Variants in DYM observed in about 807,000 individuals in gnomAD.
The protein encoded by DYM is dymeclin, also known as dyggve-Melchior-Clausen syndrome protein.
Under a neutral mutation model 93.1 loss-of-function variants are expected in DYM, and 78 were observed. That is an observed-to-expected ratio of 0.84 (90% CI 0.70 to 1.01). The LOEUF (loss-of-function observed/expected upper bound fraction) is 1.01. Ranked by LOEUF, DYM falls within the 50% of genes least tolerant of loss-of-function variation. DYM has a pLI of 0.00. For missense variants in DYM, 789 were observed against 845.0 expected (o/e 0.93, Z 0.82); for synonymous variants, 321 against 319.7 (o/e 1.00, Z -0.04).
At chr18:49,167,889 C>T (rs1239943841) in intron 14 of DYM, among the ~76,000 whole-genome samples, 6 of 151,998 alleles carry the variant, frequency 3.9e-5, no homozygotes, top group Admixed American at 3.9e-4. Flanking sequence ...AGCCAAAACA[C>T]TAATCAAGAA....
rs780150894 is a variant in DYM at position 49,363,181 on chromosome 18, C to T, written c.474G>A (p.Leu158=). The T allele has an allele frequency of 1.9e-6, 3 of 1,613,846 alleles. No homozygotes were observed. Among genetic ancestry groups the T allele is most frequent in the Admixed American group, 3.3e-5 (2 of 60,018 alleles). ...LEELLCCLMQ[L]ITDIPLLDIT... ...CTTACAAGAGTGGAATATCAGTGAT[C>T]AACTGCATCAAACAGCACAGCAATT... The change falls in exon 6 of 18, where the codon TTG becomes TTA. Residue 158 remains leucine (L), a synonymous_variant. Transcript: ENST00000675505.
intron 1 of DYM, among the ~76,000 whole-genome samples, chr18:49,430,775 C>G (rs1041616219): frequency 6.6e-6 from 1 of 151,838 alleles, no homozygotes; most frequent in Non-Finnish European, 1.5e-5. Context: ...GTCCCAGCTA[C>G]TCAAGAGGCT....
chr18:49,436,167 C>T (rs1310714260), intron 1 of DYM, among the ~76,000 whole-genome samples: 1 of 152,120 alleles, frequency 6.6e-6, no homozygotes, highest in African/African-American at 2.4e-5. Flanking sequence ...TACATGCCAT[C>T]ACACCCTGCT....
intron 5 of DYM, among the ~76,000 whole-genome samples, chr18:49,376,702 A>G (rs1425240227): frequency 1.3e-5 from 2 of 152,250 alleles, no homozygotes; most frequent in Non-Finnish European, 2.9e-5. Context: ...GAAAGGCGAT[A>G]GACTCCTTGG....
At chr18:49,376,092 T>C (rs1237023760) in intron 5 of DYM, among the ~76,000 whole-genome samples, 1 of 152,166 alleles carries the variant, frequency 6.6e-6, no homozygotes, top group Non-Finnish European at 1.5e-5. Flanking sequence ...ACAGGGCCTA[T>C]TGTGGCACTT....
At chr18:49,411,730 T>C (rs1408668149) in intron 2 of DYM, among the ~76,000 whole-genome samples, 1 of 152,168 alleles carries the variant, frequency 6.6e-6, no homozygotes, top group Non-Finnish European at 1.5e-5. Flanking sequence ...CAGCTGAAAG[T>C]TCCGCCATAA....
chr18:49,438,602 G>A (rs2081059745), intron 1 of DYM, among the ~76,000 whole-genome samples: 1 of 152,166 alleles, frequency 6.6e-6, no homozygotes, highest in African/African-American at 2.4e-5. Flanking sequence ...GCAACTAACA[G>A]AAGCTTGGCT....
intron 13 of DYM, among the ~76,000 whole-genome samples, chr18:49,221,378 C>A (rs926470109): frequency 1.3e-5 from 2 of 151,980 alleles, no homozygotes; most frequent in Admixed American, 1.3e-4. Flanking sequence ...ACTAGAAATA[C>A]CATTTGACCC....
intron 1 of DYM, among the ~76,000 whole-genome samples, chr18:49,441,620 A>T (rs562293769): frequency 6.6e-6 from 1 of 151,858 alleles, no homozygotes; most frequent in Non-Finnish European, 1.5e-5. Flanking sequence ...AGAAAGATAT[A>T]AACCCACAAA....
chr18:49,354,954 T>C (rs1333636225), intron 6 of DYM, among the ~76,000 whole-genome samples: 1 of 151,882 alleles, frequency 6.6e-6, no homozygotes, highest in Admixed American at 6.6e-5. Flanking sequence ...CATTTCATCA[T>C]GCATTTGTCT....
At chr18:49,104,891 C>G (rs1175589824) in intron 16 of DYM, among the ~76,000 whole-genome samples, 1 of 152,174 alleles carries the variant, frequency 6.6e-6, no homozygotes, top group Non-Finnish European at 1.5e-5. Context: ...GTGTCTCCGC[C>G]AGGCTTTGGT....
chr18:49,420,601 A>T (rs1600115690), intron 2 of DYM, among the ~76,000 whole-genome samples: 1 of 152,292 alleles, frequency 6.6e-6, no homozygotes, highest in Non-Finnish European at 1.5e-5. Flanking sequence ...AGCAACACAG[A>T]AGACGGGTGA....
intron 1 of DYM, among the ~76,000 whole-genome samples, chr18:49,450,535 C>T (rs1353076804): frequency 6.6e-6 from 1 of 152,128 alleles, no homozygotes; most frequent in African/African-American, 2.4e-5. Flanking sequence ...AAAGGCATCC[C>T]AAAATCAAGC....
intron 15 of DYM, among the ~76,000 whole-genome samples, chr18:49,151,965 T>C (rs539769068): frequency 2.6e-5 from 4 of 152,206 alleles, no homozygotes; most frequent in Non-Finnish European, 5.9e-5. Context: ...AAAAACTTTT[T>C]CACTAGAATG....
intron 8 of DYM, among the ~76,000 whole-genome samples, chr18:49,291,792 A>G (rs895760172): frequency 3.9e-5 from 6 of 152,250 alleles, no homozygotes; most frequent in Non-Finnish European, 8.8e-5. Context: ...TCCTCATGAC[A>G]TAGTTGAAGA....
chr18:49,224,326 T>C (rs1331618470), intron 13 of DYM, among the ~76,000 whole-genome samples: 2 of 152,088 alleles, frequency 1.3e-5, no homozygotes, highest in African/African-American at 4.8e-5. Flanking sequence ...GTCATCTGAT[T>C]GGACATGCAG....
At chr18:49,141,516 T>G (rs921485524) in intron 15 of DYM, among the ~76,000 whole-genome samples, 1 of 152,198 alleles carries the variant, frequency 6.6e-6, no homozygotes, top group African/African-American at 2.4e-5. Flanking sequence ...TAACAGTTTC[T>G]TGAATAAACA....
At position 49,272,264 on chromosome 18, in the gene DYM, T is replaced by G; in HGVS notation, c.1165A>C (p.Arg389=). The G allele has an allele frequency of 6.3e-7, 1 of 1,581,476 alleles. No homozygotes were observed. The highest frequency in any genetic ancestry group is 8.7e-7 in the Non-Finnish European group (1 of 1,150,724). Residue 389 remains arginine, a synonymous_variant, in exon 11 of 18, where the codon AGG becomes CGG. Coordinates refer to ENST00000675505, the MANE Select transcript of DYM (RefSeq NM_001353214.3). The stretch of plus-strand genomic sequence containing the variant: ...GCCATATACACATGGTGTGAATTCC[T>G]TTCTTCAACATGATACAGAATCTCA... ...ILEILYHVEE[R]NSHHVYMALI...
At chr18:49,223,876 G>T (rs995094327) in intron 13 of DYM, among the ~76,000 whole-genome samples, 1 of 152,098 alleles carries the variant, frequency 6.6e-6, no homozygotes, top group Non-Finnish European at 1.5e-5. Context: ...CCTTGGGGAA[G>T]AACAGAGGTA....
Sources: gnomAD v4.1 joint callset for allele counts (sites outside exome capture counted in the v4.1 genomes callset) on GRCh38, gnomAD v4.1.1 for gene constraint, MANE v1.5 for transcripts, NCBI Gene and HGNC (gene_info 2026-07-23, HGNC 2026-07-21) for gene names.